CHD8: variants seen among roughly 807,000 people sequenced by gnomAD.
CHD8 encodes the protein ATP-dependent chromatin remodeler CHD8.
CHD8 carries 31 observed loss-of-function variants against 279.2 expected under a neutral mutation model. That is an observed-to-expected ratio of 0.11 (90% CI 0.08 to 0.15). The LOEUF is 0.15. Ranked by LOEUF, CHD8 falls within the 10% of genes least tolerant of loss-of-function variation. CHD8 has a pLI of 1.00. For synonymous variants in CHD8, 1,081 were observed against 1,139.6 expected, an observed-to-expected ratio of 0.95 and a Z score of 1.04; for missense variants, 2,146 against 3,230.5, an observed-to-expected ratio of 0.66 and a Z score of 8.14.
chr14:21,441,716 G>A lies in CHD8; in HGVS notation c.-215-9858C>T, dbSNP rs575781708. On this transcript the variant is annotated intron_variant, in intron 1 of 37. Transcript: ENST00000646647. ...ATCCTGGCTAACACGGTGAAACCCC[G>A]TCTCTACTAAAAATACAAAAAAATT... Among the ~76,000 whole-genome samples the A allele has an allele frequency of 2.1e-4, 32 of 151,902 alleles. 1 individual carries two copies. The highest frequency in any genetic ancestry group is 1.5e-3 in the East Asian group (8 of 5,168).
chr14:21,402,523 A>AT lies in CHD8; in HGVS notation c.3715-21_3715-20insA, dbSNP rs1392019021. On this transcript the variant is annotated intron_variant, in intron 18 of 37. Transcript: ENST00000646647. This position sits in a 1 kb window ranked among gnomAD's most constrained non-coding sequence, Gnocchi z 4.5. ...CTGGGCCTGGTTTAAAATAAAAACG[A>AT]AAGGAAAGGAGAAAGATATCATAAA... The AT allele has an allele frequency of 1.3e-6, 2 of 1,562,960 alleles. No individual in the cohort carries two copies. Among genetic ancestry groups the AT allele is most frequent in the African/African-American group, 2.7e-5 (2 of 72,944 alleles).
At chr14:21,401,656 C>T (rs1270962266) in intron 20 of CHD8, 143 bp from the exon 21 acceptor site, 2 of 602,112 alleles carry the variant, frequency 3.3e-6, no homozygotes, top group Non-Finnish European at 2.8e-6. Context: ...ACGATCTCCG[C>T]TCACCGCAAC....
rs192039938 is a variant in CHD8 at position 21,394,293 on chromosome 14, G to A, written c.5583C>T (p.Pro1861=). 7.4e-6 allele frequency: 12 copies of A among 1,613,938 alleles called. No individual in the cohort carries two copies. The East Asian group carries it at 1.8e-4, about 24-fold the overall frequency. Residue 1861 remains proline, a synonymous_variant, in exon 31 of 38, where the codon CCC becomes CCT. Transcript: ENST00000646647. ...VAMCRQVCRL[P]PAAGDEPPDP... ...CTTGCTTACCATCTCCAGCTGCTGG[G>A]GGAAGGCGGCATACTTGGCGGCACA...
At position 21,408,573 on chromosome 14, in the gene CHD8, G is replaced by GA. The variant is rs111776414; in HGVS notation, c.2487-19dup. ...AGTTCTGCCTGCAGATTCACCATGGGAAAAAAAAAATGTTAAAAGATACTA... is the reference window on the plus strand; with the variant it reads ...AGTTCTGCCTGCAGATTCACCATGGGAAAAAAAAAAATGTTAAAAGATACTA... On this transcript the variant is annotated intron_variant, in intron 12 of 37. Transcript: ENST00000646647. This position sits in a 1 kb window ranked among gnomAD's most constrained non-coding sequence, Gnocchi z 4.3. 11,737 of 1,452,896 alleles carry GA rather than the reference G, an allele frequency of 8.1e-3. 454 individuals carry two copies. In the African/African-American group the frequency reaches 0.13, roughly 16 times the overall value. 90.0% of individuals were successfully genotyped at this position (1,452,896 alleles called of 1,614,324 possible).
rs763866690 is a variant in CHD8, at chr14:21,400,189, A to T, written c.4689T>A (p.Asp1563Glu). 6.2e-7 allele frequency: 1 copy of T among 1,613,910 alleles called. No individual in the cohort carries two copies. The highest frequency in any genetic ancestry group is 8.5e-7 in the Non-Finnish European group (1 of 1,179,868). The change falls in exon 24 of 38, where the codon GAT becomes GAA. Residue 1563 changes from aspartate to glutamate, a missense_variant. Transcript: ENST00000646647. The surrounding 1 kb of genome is among the most constrained non-coding windows in gnomAD (Gnocchi z 4.2). ...RKYNPDTLFQ[D>E]ESYKKHLKHQ... ...GTTTCAAGTGCTTCTTATAACTTTCATCTTGGAACAAAGTGTCAGGGTTAT... is the reference window on the plus strand; with the variant it reads ...GTTTCAAGTGCTTCTTATAACTTTCTTCTTGGAACAAAGTGTCAGGGTTAT...
chr14:21,410,108 A>ATC (rs1888424606), intron 10 of CHD8, 120 bp from the exon 11 acceptor site: 1 of 957,954 alleles, frequency 1.0e-6, no homozygotes, highest in Admixed American at 3.2e-5. Context: ...AGCCGTTGAA[A>ATC]AAGTCAGGCC....
chr14:21,445,688 CAAAAAAAAAAAAAA>C lies in CHD8; in HGVS notation c.-216+10330_-216+10343del, dbSNP rs747923350. On this transcript the variant is annotated intron_variant, in intron 1 of 37. Transcript: ENST00000646647. ...CGGGCAACAGAGCAGGATTCGGTCT[CAAAAAAAAAAAAAA>C]AAAAAAAAAAAAAAGTCAGCTGGGC... Among the ~76,000 whole-genome samples, 8 of 17,266 alleles carry C rather than the reference CAAAAAAAAAAAAAA, an allele frequency of 4.6e-4. 1 individual carries two copies. Among genetic ancestry groups the C allele is most frequent in the African/African-American group, 9.7e-4 (5 of 5,166 alleles). 11.3% of individuals were successfully genotyped at this position (17,266 alleles called of 152,430 possible). A position where few individuals can be genotyped will look rare whatever the true frequency, so the allele number is the denominator to read the frequency against.
intron 1 of CHD8, among the ~76,000 whole-genome samples, chr14:21,442,207 G>A (rs1156416395): frequency 6.6e-6 from 1 of 152,176 alleles, no homozygotes; most frequent in African/African-American, 2.4e-5. Flanking sequence ...AGTGGCTCAT[G>A]CCTGTAATCC....
In CHD8 at chr14:21,391,473, C is replaced by T. The variant is rs1421013566; in HGVS notation, c.7055G>A (p.Arg2352Gln). ...QGHPEFAVDP[R>Q]FLAYMEDRRK... is the part of the protein sequence containing the mutation. ...GGGACTGCCACTCACCGCTAGAAATCGGGGATCAACAGCAAACTCTGGATG... is the reference window on the plus strand; with the variant it reads ...GGGACTGCCACTCACCGCTAGAAATTGGGGATCAACAGCAAACTCTGGATG... The change falls in exon 36 of 38, where the codon CGA becomes CAA. Residue 2352 changes from arginine (R) to glutamine (Q), a missense_variant. By Grantham distance (43) the Arg-to-Gln change is conservative. Around this residue, in one of 26 missense-constraint regions of CHD8, gnomAD observed 336 missense variants for 392.9 expected, o/e 0.86. Coordinates refer to ENST00000646647, the MANE Select transcript of CHD8 (RefSeq NM_001170629.2). The T allele has an allele frequency of 7.4e-6, 12 of 1,613,584 alleles. No homozygotes were observed. Among genetic ancestry groups the T allele is most frequent in the Middle Eastern group, 1.6e-4 (1 of 6,082 alleles).
At position 21,431,372 on chromosome 14, in the gene CHD8, G is replaced by T; in HGVS notation, c.272C>A (p.Thr91Asn). The stretch of plus-strand genomic sequence containing the variant: ...AGGCTGAGTGGTATAATCATGCAAG[G>T]TTATGGATTCTGGAGCTGGAGCTGT... ...ESTAPAPESI[T>N]LHDYTTQPAS... The change falls in exon 2 of 38, where the codon ACC becomes AAC. Residue 91 changes from threonine (T) to asparagine (N), a missense_variant. Thr to Asn is a moderately conservative substitution (Grantham distance 65). Transcript: ENST00000646647. 1 of 1,537,374 alleles carries T rather than the reference G, an allele frequency of 6.5e-7. No individual in the cohort carries two copies.
intron 13 of CHD8, among the ~76,000 whole-genome samples, chr14:21,407,424 G>A (rs1332754492): frequency 6.6e-6 from 1 of 151,944 alleles, no homozygotes; most frequent in Non-Finnish European, 1.5e-5. Context: ...ATTGGCTGAT[G>A]TCTAAAAATT....
intron 1 of CHD8, among the ~76,000 whole-genome samples, chr14:21,438,512 T>TAA (rs559681631): frequency 0.8 from 89,859 of 112,206 alleles, 36,692 homozygotes; most frequent in Middle Eastern, 0.89. Flanking sequence ...CCTAGTCTCT[T>TAA]AAAAAAAAAA....
chr14:21,438,557 G>A lies in CHD8; in HGVS notation c.-215-6699C>T, dbSNP rs145199524. Reference sequence around the variant, plus strand: ...GAAAGAAAGAAAAAAGAAAGATGCCGGGCGCAGTGGCTCACACCTGTAATC... The same window carrying A: ...GAAAGAAAGAAAAAAGAAAGATGCCAGGCGCAGTGGCTCACACCTGTAATC... On this transcript the variant is annotated intron_variant, in intron 1 of 37. Transcript: ENST00000646647. Among the ~76,000 whole-genome samples, 65 of 150,610 alleles carry A rather than the reference G, an allele frequency of 4.3e-4. No individual in the cohort carries two copies. In the East Asian group the frequency reaches 0.011, roughly 25 times the overall value.
At chr14:21,414,198 T>C (rs1888624321) in intron 9 of CHD8, 103 bp downstream of exon 9, 2 of 691,752 alleles carry the variant, frequency 2.9e-6, no homozygotes, top group Admixed American at 2.3e-5. Context: ...CACCCATATA[T>C]AGAAACCAAT....
chr14:21,396,380 C>G (rs1225038178), intron 27 of CHD8, among the ~76,000 whole-genome samples: 1 of 151,984 alleles, frequency 6.6e-6, no homozygotes, highest in Non-Finnish European at 1.5e-5. Flanking sequence ...GATCTCAGCT[C>G]ACTGCAACCT....
chr14:21,416,994 G>A (rs1888751435), intron 5 of CHD8, among the ~76,000 whole-genome samples: 1 of 152,162 alleles, frequency 6.6e-6, no homozygotes, highest in South Asian at 2.1e-4. Context: ...CAGCTACTCA[G>A]GAGGCTGAGG....
chr14:21,441,890 A>AAAGC (rs111393188), intron 1 of CHD8, among the ~76,000 whole-genome samples: 5 of 150,530 alleles, frequency 3.3e-5, no homozygotes, highest in Admixed American at 6.6e-5. Flanking sequence ...CTCCACCTCA[A>AAAGC]AAACAAACAA....
At chr14:21,426,337 C>G (rs888474664) in intron 4 of CHD8, 95 bp from the exon 5 acceptor site, 2 of 652,158 alleles carry the variant, frequency 3.1e-6, no homozygotes, top group African/African-American at 3.7e-5. Context: ...TACAAAACTT[C>G]CAGACAGAAG....
intron 2 of CHD8, 40 bp downstream of exon 2, chr14:21,430,761 T>C (rs1889531843): frequency 2.1e-6 from 3 of 1,410,708 alleles, no homozygotes; most frequent in African/African-American, 1.4e-5. Flanking sequence ...CTGGGCCCTC[T>C]ATGAAACCAA....
Sources: allele counts gnomAD v4.1 joint callset (sites outside exome capture counted in the v4.1 genomes callset), GRCh38; gene constraint gnomAD v4.1.1; regional missense constraint gnomAD v4.1.1; non-coding constraint Gnocchi (gnomAD v3.1); transcripts MANE v1.5; gene names NCBI Gene and HGNC (gene_info 2026-07-23, HGNC 2026-07-21).